Variants in CTNND2 observed in about 807,000 individuals in gnomAD.
The protein encoded by CTNND2 is catenin delta 2.
In CTNND2, 22 loss-of-function variants were observed where a neutral mutation model predicts 144.4. The observed-to-expected ratio is 0.15, with a 90% confidence interval of 0.11 to 0.22. The LOEUF (loss-of-function observed/expected upper bound fraction) is 0.22. Among genes scored for constraint, CTNND2 ranks in the 10% least tolerant of loss-of-function variants. CTNND2 has a pLI of 1.00. For synonymous variants in CTNND2, 751 were observed against 695.6 expected, an observed-to-expected ratio of 1.08 and a Z score of -1.25; for missense variants, 1,353 against 1,618.8, an observed-to-expected ratio of 0.84 and a Z score of 2.82.
At chr5:11,686,471 T>C (rs1259714919) in intron 2 of CTNND2, among the ~76,000 whole-genome samples, 1 of 152,066 alleles carries the variant, frequency 6.6e-6, no homozygotes, top group African/African-American at 2.4e-5. Flanking sequence ...AATTGTATAA[T>C]AACAATGATA....
chr5:11,495,992 T>C (rs1243167586), intron 3 of CTNND2, among the ~76,000 whole-genome samples: 3 of 152,116 alleles, frequency 2.0e-5, no homozygotes, highest in African/African-American at 7.2e-5. Context: ...TTATAATTCT[T>C]CTCCTTTCCT....
chr5:11,400,121 T>C (rs939611802), intron 5 of CTNND2, among the ~76,000 whole-genome samples: 6 of 152,236 alleles, frequency 3.9e-5, no homozygotes, highest in African/African-American at 1.4e-4. Flanking sequence ...AATTATGTTT[T>C]TTTTTTCCTC....
intron 13 of CTNND2, among the ~76,000 whole-genome samples, chr5:11,114,622 T>C (rs1182205633): frequency 6.6e-6 from 1 of 152,180 alleles, no homozygotes; most frequent in African/African-American, 2.4e-5. Flanking sequence ...TTGCTTTTGG[T>C]TACCAGGGTC....
intron 2 of CTNND2, among the ~76,000 whole-genome samples, chr5:11,640,048 GT>G (rs1202390625): frequency 6.6e-6 from 1 of 152,182 alleles, no homozygotes; most frequent in African/African-American, 2.4e-5. Context: ...CTTGGGTATT[GT>G]TGCATGTTGA....
At chr5:11,709,324 T>C (rs1785896823) in intron 2 of CTNND2, among the ~76,000 whole-genome samples, 1 of 152,172 alleles carries the variant, frequency 6.6e-6, no homozygotes, top group Non-Finnish European at 1.5e-5. Context: ...TTAGGAACAT[T>C]ACCAGCTAGA....
chr5:11,062,534 T>C (rs535272929), intron 16 of CTNND2, among the ~76,000 whole-genome samples: 85 of 152,298 alleles, frequency 5.6e-4, no homozygotes, highest in African/African-American at 2.0e-3. Context: ...AAAATGGCAT[T>C]TGTGGAAATG....
intron 3 of CTNND2, among the ~76,000 whole-genome samples, chr5:11,505,197 TA>T (rs5865951): frequency 0.24 from 35,287 of 144,736 alleles, 6,138 homozygotes; most frequent in African/African-American, 0.51. Context: ...GAGGAATCAT[TA>T]AAAAAAAAAA....
intron 3 of CTNND2, among the ~76,000 whole-genome samples, chr5:11,495,971 C>T (rs1769892301): frequency 6.6e-6 from 1 of 152,122 alleles, no homozygotes; most frequent in Non-Finnish European, 1.5e-5. Flanking sequence ...CAAGTCATTG[C>T]TATGATGTTG....
chr5:11,648,922 T>A (rs562785719), intron 2 of CTNND2, among the ~76,000 whole-genome samples: 1 of 152,266 alleles, frequency 6.6e-6, no homozygotes, highest in Non-Finnish European at 1.5e-5. Flanking sequence ...ATTTACTTTA[T>A]TGTTGAACTT....
At chr5:11,148,351 A>G (rs1346269654) in intron 12 of CTNND2, among the ~76,000 whole-genome samples, 2 of 152,212 alleles carry the variant, frequency 1.3e-5, no homozygotes, top group African/African-American at 4.8e-5. Context: ...TTTGAATGAA[A>G]GGGATAGAAA....
At chr5:11,099,415 A>G (rs1019453749) in intron 14 of CTNND2, among the ~76,000 whole-genome samples, 3 of 152,224 alleles carry the variant, frequency 2.0e-5, no homozygotes, top group Admixed American at 1.3e-4. Flanking sequence ...TTCAAAATTA[A>G]TTACCCATAA....
intron 3 of CTNND2, among the ~76,000 whole-genome samples, chr5:11,552,386 C>T (rs1325678748): frequency 1.3e-5 from 2 of 152,036 alleles, no homozygotes; most frequent in African/African-American, 2.4e-5. Flanking sequence ...CATGCCTTGA[C>T]CTAACAGGAG....
chr5:11,895,118 A>G (rs575338141), intron 1 of CTNND2, among the ~76,000 whole-genome samples: 1 of 152,080 alleles, frequency 6.6e-6, no homozygotes, highest in South Asian at 2.1e-4. Context: ...TTGAGAAATG[A>G]GACATCCCTG....
intron 2 of CTNND2, among the ~76,000 whole-genome samples, chr5:11,609,620 C>G (rs1780220378): frequency 6.6e-6 from 1 of 152,020 alleles, no homozygotes; most frequent in Non-Finnish European, 1.5e-5. Flanking sequence ...AACATAATTC[C>G]AATACTTATT....
intron 10 of CTNND2, among the ~76,000 whole-genome samples, chr5:11,229,820 C>T (rs1443939042): frequency 4.0e-5 from 6 of 151,430 alleles, no homozygotes; most frequent in Non-Finnish European, 8.8e-5. Flanking sequence ...CATATATATA[C>T]ATATATATAC....
At chr5:11,593,869 G>C (rs1034031881) in intron 2 of CTNND2, among the ~76,000 whole-genome samples, 6 of 136,646 alleles carry the variant, frequency 4.4e-5, no homozygotes, top group African/African-American at 1.7e-4. Flanking sequence ...ACCACTATAG[G>C]GTGCCACTAA....
intron 3 of CTNND2, among the ~76,000 whole-genome samples, chr5:11,548,344 T>G (rs961336307): frequency 6.6e-6 from 1 of 152,238 alleles, no homozygotes; most frequent in Non-Finnish European, 1.5e-5. Flanking sequence ...AAATTCTACT[T>G]CTTCAACAGA....
intron 3 of CTNND2, among the ~76,000 whole-genome samples, chr5:11,469,363 T>C (rs1561438996): frequency 6.6e-6 from 1 of 152,196 alleles, no homozygotes. Context: ...CCAATATCAG[T>C]TCAGTCACCC....
chr5:11,775,440 G>T (rs1790199480), intron 1 of CTNND2, among the ~76,000 whole-genome samples: 1 of 152,186 alleles, frequency 6.6e-6, no homozygotes, highest in South Asian at 2.1e-4. Flanking sequence ...AGCACAGGAA[G>T]GTTCCGTAAG....
Sources: gnomAD v4.1 joint callset for allele counts (sites outside exome capture counted in the v4.1 genomes callset) on GRCh38, gnomAD v4.1.1 for gene constraint, MANE v1.5 for transcripts, NCBI Gene and HGNC (gene_info 2026-07-23, HGNC 2026-07-21) for gene names.